Variants in NOL4 observed in about 807,000 individuals in gnomAD.
The protein encoded by NOL4 is nucleolar protein 4, also known as cancer/testis antigen 125.
In NOL4, 17 loss-of-function variants were observed where a neutral mutation model predicts 75.9. That is an observed-to-expected ratio of 0.22 (90% confidence interval 0.15 to 0.34). NOL4 has a LOEUF of 0.34. Among genes scored for constraint, NOL4 ranks in the 10% least tolerant of loss-of-function variants. NOL4 has a pLI of 1.00. For missense variants in NOL4, 614 were observed against 793.5 expected (o/e 0.77, Z 2.72); for synonymous variants, 292 against 289.9 (o/e 1.01, Z -0.07).
intron 6 of NOL4, 61 bp downstream of exon 6, chr18:34,019,257 G>A: frequency 7.2e-7 from 1 of 1,381,030 alleles, no homozygotes; most frequent in Non-Finnish European, 1.0e-6. Context: ...TATATGCATA[G>A]GTATTTTTTG....
intron 1 of NOL4, among the ~76,000 whole-genome samples, chr18:34,156,202 C>T (rs752958677): frequency 6.6e-6 from 1 of 152,190 alleles, no homozygotes; most frequent in Non-Finnish European, 1.5e-5. Flanking sequence ...CATTTTCCAT[C>T]AGCAGCAACA....
intron 6 of NOL4, among the ~76,000 whole-genome samples, chr18:34,010,938 G>A (rs1008002059): frequency 1.3e-5 from 2 of 151,540 alleles, no homozygotes; most frequent in African/African-American, 2.4e-5. Flanking sequence ...TGAGTTTCTT[G>A]TATATTTTGG....
At position 33,958,357 on chromosome 18, in the gene NOL4, G is replaced by A. The variant is rs538267965; in HGVS notation, c.1118C>T (p.Ala373Val). ...TCCCCTGTTTAGTGAGAGGTCCTCA[G>A]CTCCTCGGTCTACACTCTCATTTTT... The part of the protein sequence containing the change: ...SGKNESVDRG[A>V]EDLSLNRGDE... The change falls in exon 7 of 11, where the codon GCT becomes GTT. Residue 373 changes from alanine (A) to valine (V), a missense_variant. Coordinates refer to ENST00000261592, the MANE Select transcript of NOL4 (RefSeq NM_003787.5). 6.3e-7 allele frequency: 1 copy of A among 1,575,098 alleles called. No homozygotes were observed. The highest frequency in any genetic ancestry group is 1.2e-5 in the South Asian group (1 of 84,750).
chr18:33,935,972 T>C (rs1285998783), intron 9 of NOL4, among the ~76,000 whole-genome samples: 3 of 152,138 alleles, frequency 2.0e-5, no homozygotes, highest in Admixed American at 6.6e-5. Context: ...TTTCAAGCCA[T>C]ATCTTGTTAA....
intron 9 of NOL4, among the ~76,000 whole-genome samples, chr18:33,928,960 G>T (rs553712650): frequency 6.6e-6 from 1 of 152,080 alleles, no homozygotes; most frequent in East Asian, 1.9e-4. Context: ...TTGCTTTTTG[G>T]CATATGCTCA....
chr18:34,033,827 C>T (rs948728058), intron 5 of NOL4, among the ~76,000 whole-genome samples: 29 of 152,076 alleles, frequency 1.9e-4, no homozygotes, highest in Admixed American at 1.1e-3. Flanking sequence ...TAAAGGAACA[C>T]TCCATTAGAC....
intron 5 of NOL4, among the ~76,000 whole-genome samples, chr18:34,090,834 C>T (rs943158111): frequency 9.9e-5 from 15 of 152,030 alleles, no homozygotes; most frequent in African/African-American, 2.7e-4. Context: ...GTGGAAATAA[C>T]GGGAAAACTC....
intron 9 of NOL4, among the ~76,000 whole-genome samples, chr18:33,899,231 C>A (rs1347146566): frequency 1.3e-5 from 2 of 152,116 alleles, no homozygotes; most frequent in African/African-American, 4.8e-5. Context: ...CTCACTGGTG[C>A]CCACATGTCT....
chr18:34,189,702 A>T (rs992679864), intron 1 of NOL4, among the ~76,000 whole-genome samples: 5 of 152,174 alleles, frequency 3.3e-5, no homozygotes, highest in Non-Finnish European at 5.9e-5. Context: ...GAAATAATTC[A>T]ATCTGAAAAA....
chr18:34,135,418 G>C (rs573746290), intron 1 of NOL4, among the ~76,000 whole-genome samples: 82 of 152,222 alleles, frequency 5.4e-4, no homozygotes, highest in African/African-American at 1.5e-3. Flanking sequence ...GCTATTCACA[G>C]CGGGGTGCGG....
intron 6 of NOL4, among the ~76,000 whole-genome samples, chr18:33,959,247 C>T (rs537895859): frequency 1.2e-4 from 19 of 152,114 alleles, no homozygotes; most frequent in Non-Finnish European, 2.4e-4. Flanking sequence ...AGATAGCCTT[C>T]GTAGAGCCTC....
intron 5 of NOL4, among the ~76,000 whole-genome samples, chr18:34,069,651 G>C (rs2077426038): frequency 6.6e-6 from 1 of 151,966 alleles, no homozygotes; most frequent in Non-Finnish European, 1.5e-5. Flanking sequence ...GAGACAAAAT[G>C]AACATGACTG....
At chr18:34,060,769 G>A (rs886333456) in intron 5 of NOL4, among the ~76,000 whole-genome samples, 3 of 152,188 alleles carry the variant, frequency 2.0e-5, no homozygotes, top group Admixed American at 1.3e-4. Flanking sequence ...AGGACTTAGA[G>A]AAAGTTCACA....
chr18:34,168,455 T>A (rs572358443), intron 1 of NOL4, among the ~76,000 whole-genome samples: 1 of 151,178 alleles, frequency 6.6e-6, no homozygotes, highest in South Asian at 2.1e-4. Context: ...GGAAAAAAGG[T>A]CTGCAGAGTA....
intron 4 of NOL4, among the ~76,000 whole-genome samples, chr18:34,094,216 C>A (rs1273719357): frequency 6.6e-6 from 1 of 151,392 alleles, no homozygotes; most frequent in East Asian, 1.9e-4. Context: ...ACTAAATGAC[C>A]AAAAAATGTT....
chr18:33,973,244 A>C (rs936830528), intron 6 of NOL4, among the ~76,000 whole-genome samples: 1 of 152,206 alleles, frequency 6.6e-6, no homozygotes, highest in African/African-American at 2.4e-5. Context: ...TTGATTATCC[A>C]TAAGAAGCAA....
At chr18:33,995,826 T>G (rs2073240487) in intron 6 of NOL4, among the ~76,000 whole-genome samples, 1 of 151,810 alleles carries the variant, frequency 6.6e-6, no homozygotes, top group South Asian at 2.1e-4. Flanking sequence ...TCATGAAGAT[T>G]GGCTTTACGT....
At chr18:34,004,035 A>G (rs1001065445) in intron 6 of NOL4, among the ~76,000 whole-genome samples, 1 of 152,074 alleles carries the variant, frequency 6.6e-6, no homozygotes, top group Non-Finnish European at 1.5e-5. Flanking sequence ...CTTCATCTGC[A>G]TAATAAAATA....
At chr18:34,034,467 G>A (rs1314827628) in intron 5 of NOL4, among the ~76,000 whole-genome samples, 13 of 152,294 alleles carry the variant, frequency 8.5e-5, no homozygotes, top group African/African-American at 2.2e-4. Flanking sequence ...AGCCAGACAC[G>A]GTGGCTCATG....
Sources: allele counts gnomAD v4.1 joint callset (sites outside exome capture counted in the v4.1 genomes callset), GRCh38; gene constraint gnomAD v4.1.1; transcripts MANE v1.5; gene names NCBI Gene and HGNC (gene_info 2026-07-23, HGNC 2026-07-21).